The following ABCA10 variants were observed in gnomAD, a reference collection of about 807,000 sequenced individuals.
ABCA10 encodes ATP-binding cassette sub-family A member 10.
Under a neutral mutation model 187.5 loss-of-function variants are expected in ABCA10, and 169 were observed. That is an observed-to-expected ratio of 0.90 (90% CI 0.80 to 1.02). The LOEUF (loss-of-function observed/expected upper bound fraction) is 1.02, where lower values mean the gene tolerates loss of function less well. Among genes scored for constraint, ABCA10 ranks in the 50% least tolerant of loss-of-function variants. The probability of loss-of-function intolerance (pLI) is 0.00; values close to 1 mark genes in which losing one functional copy is unlikely to be tolerated. For synonymous variants in ABCA10, 574 were observed against 601.8 expected (o/e 0.95, Z 0.68); for missense variants, 1,727 against 1,812.4 (o/e 0.95, Z 0.86).
chr17:69,169,563 T>C (rs1349779622), intron 25 of ABCA10, among the ~76,000 whole-genome samples: 1 of 152,064 alleles, frequency 6.6e-6, no homozygotes, highest in Non-Finnish European at 1.5e-5. Context: ...CCAAGATACT[T>C]AAAAAAGAAC....
intron 9 of ABCA10, among the ~76,000 whole-genome samples, chr17:69,213,771 C>G (rs765457500): frequency 1.3e-5 from 2 of 152,190 alleles, no homozygotes; most frequent in Non-Finnish European, 2.9e-5. Flanking sequence ...AACCAACCCC[C>G]ACCCTGGCCC....
At chr17:69,173,403 C>A (rs1230062276) in intron 25 of ABCA10, among the ~76,000 whole-genome samples, 1 of 152,090 alleles carries the variant, frequency 6.6e-6, no homozygotes. Flanking sequence ...AAAGGCCAAC[C>A]AATGTAACTG....
intron 1 of ABCA10, among the ~76,000 whole-genome samples, chr17:69,238,494 T>G (rs911592359): frequency 3.3e-5 from 5 of 152,166 alleles, no homozygotes; most frequent in African/African-American, 9.7e-5. Flanking sequence ...TACAGACTAG[T>G]GGATTCTCTA....
chr17:69,193,320 A>G, intron 14 of ABCA10, 72 bp from the exon 15 acceptor site: 1 of 1,570,346 alleles, frequency 6.4e-7, no homozygotes, highest in East Asian at 2.2e-5. Flanking sequence ...CCATGAAAAC[A>G]AGTATGATTT....
rs375141032 is a variant in ABCA10 at position 69,162,838 on chromosome 17, C to CATATACAT, written c.3363+1235_3363+1236insATGTATAT. Among the ~76,000 whole-genome samples, 371 of 120,824 alleles carry CATATACAT rather than the reference C, an allele frequency of 3.1e-3. 4 individuals carry two copies. The highest frequency in any genetic ancestry group is 0.013 in the African/African-American group (344 of 27,052). The allele number at this position is 120,824 out of a possible 152,430, so 79.3% of individuals were successfully genotyped here. A position where few individuals can be genotyped will look rare whatever the true frequency, so the allele number is the denominator to read the frequency against. On this transcript the variant is annotated intron_variant, in intron 27 of 38. Coordinates refer to ENST00000690296, the MANE Select transcript of ABCA10 (RefSeq NM_001377321.1). ...ACATATACATATACATATACATATA[C>CATATACAT]ATATATATATATATATATGAGACGG...
At chr17:69,213,932 G>A (rs1030688708) in intron 9 of ABCA10, among the ~76,000 whole-genome samples, 5 of 152,160 alleles carry the variant, frequency 3.3e-5, no homozygotes, top group Non-Finnish European at 7.4e-5. Flanking sequence ...ACAAAAGGGA[G>A]AGAATAAGAA....
At chr17:69,196,843 TCCA>T (rs2074507850) in intron 11 of ABCA10, among the ~76,000 whole-genome samples, 1 of 152,048 alleles carries the variant, frequency 6.6e-6, no homozygotes, top group Admixed American at 6.6e-5. Flanking sequence ...AAACCCCGTC[TCCA>T]CCAAAAAAAT....
upstream of ABCA10, among the ~76,000 whole-genome samples, chr17:69,231,770 G>A (rs1435442042): frequency 6.6e-6 from 1 of 152,118 alleles, no homozygotes; most frequent in Admixed American, 6.6e-5. Flanking sequence ...TTTTATAAAT[G>A]TCTGTTATAT....
intron 34 of ABCA10, 51 bp downstream of exon 34, chr17:69,153,254 T>C (rs775612811): frequency 6.5e-7 from 1 of 1,530,510 alleles, no homozygotes; most frequent in Admixed American, 2.2e-5. Flanking sequence ...AAAAACAAAA[T>C]ATCCTAGAGG....
At chr17:69,209,551 T>C (rs1326674195) in intron 9 of ABCA10, among the ~76,000 whole-genome samples, 2 of 152,206 alleles carry the variant, frequency 1.3e-5, no homozygotes, top group African/African-American at 4.8e-5. Context: ...TCAAATAAAA[T>C]ACCTGAATTA....
In ABCA10 at chr17:69,202,876, T is replaced by C. The variant is rs554090859; in HGVS notation, c.1007-1208A>G. ...GATATATCCACAAAATAGGAATTTA[T>C]TGGTGGTAAGAGGAGGAAATTTAAA... On this transcript the variant is annotated intron_variant, in intron 9 of 38. Coordinates refer to ENST00000690296, the MANE Select transcript of ABCA10 (RefSeq NM_001377321.1). Among the ~76,000 whole-genome samples the C allele has an allele frequency of 2.0e-5, 3 of 152,306 alleles. No individual in the cohort carries two copies. The South Asian group carries it at 6.2e-4, about 32-fold the overall frequency.
chr17:69,229,456 T>C (rs1598129443), upstream of ABCA10, among the ~76,000 whole-genome samples: 1 of 152,146 alleles, frequency 6.6e-6, no homozygotes, highest in East Asian at 1.9e-4. Flanking sequence ...TACTTTTTTT[T>C]CAGCTACAAC....
chr17:69,184,892 C>CATACATATATATACTTTTTAT (rs2074409118), intron 20 of ABCA10, among the ~76,000 whole-genome samples: 3 of 145,988 alleles, frequency 2.1e-5, no homozygotes, highest in Non-Finnish European at 4.5e-5. Context: ...CACACACACA[C>CATACATATATATACTTTTTAT]ATACATATAT....
At chr17:69,154,035 T>C (rs2886232) in intron 31 of ABCA10, 26 bp from the exon 32 acceptor site, 1,436,391 of 1,603,172 alleles carry the variant, frequency 0.9, 644,674 homozygotes, top group East Asian at 1. Flanking sequence ...AATGTCAGAT[T>C]CACCTTTGGT....
intron 21 of ABCA10, 101 bp downstream of exon 21, chr17:69,182,574 T>G (rs1282685073): frequency 1.2e-5 from 16 of 1,351,436 alleles, no homozygotes; most frequent in Admixed American, 2.7e-5. Flanking sequence ...ATGATGCCAA[T>G]TTAGAAAACA....
At chr17:69,207,591 T>C (rs1292433489) in intron 9 of ABCA10, among the ~76,000 whole-genome samples, 1 of 152,190 alleles carries the variant, frequency 6.6e-6, no homozygotes, top group African/African-American at 2.4e-5. Context: ...GAAGGAAATT[T>C]TGTCATTTGT....
rs544518142 is a variant in ABCA10, at chr17:69,148,043, T to C, written c.*784A>G. 9 of 152,270 alleles carry C rather than the reference T, an allele frequency of 5.9e-5. No individual in the cohort carries two copies. The highest frequency in any genetic ancestry group is 2.2e-4 in the African/African-American group (9 of 41,564). 9.4% of individuals were successfully genotyped at this position (152,270 alleles called of 1,614,324 possible). ...AAAGTTTTATTTCTAAGAAATAAAC[T>C]TGCATATAACCCGAACGTAACAACT... On this transcript the variant is annotated 3_prime_UTR_variant, in exon 39 of 39. Coordinates refer to ENST00000690296, the MANE Select transcript of ABCA10 (RefSeq NM_001377321.1).
At chr17:69,211,217 G>A (rs2074646221) in intron 9 of ABCA10, among the ~76,000 whole-genome samples, 2 of 150,058 alleles carry the variant, frequency 1.3e-5, no homozygotes, top group African/African-American at 4.9e-5. Context: ...TGCAAAAATA[G>A]GGAACCAGCT....
At chr17:69,171,607 A>T (rs561577482) in intron 25 of ABCA10, among the ~76,000 whole-genome samples, 110 of 152,346 alleles carry the variant, frequency 7.2e-4, no homozygotes, top group Non-Finnish European at 1.2e-3. Context: ...AATTCCAGGC[A>T]TCCCAATTTA....
Sources: allele counts gnomAD v4.1 joint callset (sites outside exome capture counted in the v4.1 genomes callset), GRCh38; gene constraint gnomAD v4.1.1; transcripts MANE v1.5; gene names NCBI Gene and HGNC (gene_info 2026-07-23, HGNC 2026-07-21).